Variants in NAT1 observed in about 807,000 individuals in gnomAD.
NAT1 encodes arylamine N-acetyltransferase 1.
For missense variants in NAT1, 400 were observed against 339.2 expected (o/e 1.18, Z -1.41); for synonymous variants, 144 against 122.6 (o/e 1.17, Z -1.16).
chr8:18,177,143 T>C (rs1366651598), intron 2 of NAT1, among the ~76,000 whole-genome samples: 1 of 152,102 alleles, frequency 6.6e-6, no homozygotes, highest in African/African-American at 2.4e-5. Flanking sequence ...TGTAAGATTA[T>C]ATCAACAGAC....
At chr8:18,215,110 C>T (rs1299598892) in intron 1 of NAT1, among the ~76,000 whole-genome samples, 5 of 152,028 alleles carry the variant, frequency 3.3e-5, no homozygotes, top group Admixed American at 2.6e-4. Context: ...TAGGTTGATT[C>T]TGTGTCTTTG....
At chr8:18,198,381 A>G (rs112081152) in intron 2 of NAT1, among the ~76,000 whole-genome samples, 145 of 152,324 alleles carry the variant, frequency 9.5e-4, no homozygotes, top group African/African-American at 3.4e-3. Flanking sequence ...TTGTTCAACT[A>G]CAATAGTCCT....
In NAT1 at chr8:18,217,085, G is replaced by T. The variant is rs149824115; in HGVS notation, c.-85-2326G>T. ...TGGGTGCTGTGAGTCTGGGGAATTA[G>T]TGAGAATTTCCTTTATTTGTTATAT... is the stretch of plus-strand genomic sequence containing the variant. On this transcript the variant is annotated intron_variant, in intron 1 of 2. Coordinates refer to ENST00000307719, the MANE Select transcript of NAT1 (RefSeq NM_000662.8). 8 of 813,490 alleles carry T rather than the reference G, an allele frequency of 9.8e-6. No homozygotes were observed. The South Asian group carries it at 1.4e-4, about 14-fold the overall frequency. The allele number at this position is 813,490 out of a possible 1,614,324, so 50.4% of individuals were successfully genotyped here.
At chr8:18,202,986 G>T (rs757986198) in intron 2 of NAT1, among the ~76,000 whole-genome samples, 1 of 152,046 alleles carries the variant, frequency 6.6e-6, no homozygotes, top group African/African-American at 2.4e-5. Flanking sequence ...TGATTGGTGC[G>T]TTTACAATCC....
At chr8:18,206,701 T>C (rs926620414), upstream of NAT1, among the ~76,000 whole-genome samples, 1 of 152,258 alleles carries the variant, frequency 6.6e-6, no homozygotes, top group African/African-American at 2.4e-5. Flanking sequence ...AAGTTCCTTA[T>C]AGACGCTGGA....
intron 2 of NAT1, among the ~76,000 whole-genome samples, chr8:18,187,838 A>G (rs1802805451): frequency 6.6e-6 from 1 of 151,970 alleles, no homozygotes; most frequent in South Asian, 2.1e-4. Flanking sequence ...ACCTGCGCAT[A>G]TGCCCCGGAA....
intron 2 of NAT1, among the ~76,000 whole-genome samples, chr8:18,181,992 C>G (rs546915509): frequency 6.6e-6 from 1 of 152,242 alleles, no homozygotes; most frequent in East Asian, 1.9e-4. Flanking sequence ...AATTCCAATA[C>G]AAATTCCCAT....
At chr8:18,189,372 A>G (rs1401637268) in intron 2 of NAT1, among the ~76,000 whole-genome samples, 2 of 152,098 alleles carry the variant, frequency 1.3e-5, no homozygotes, top group Non-Finnish European at 2.9e-5. Flanking sequence ...AGGTATCAGC[A>G]CCTCTCATTT....
intron 2 of NAT1, among the ~76,000 whole-genome samples, chr8:18,184,227 G>C (rs1563164937): frequency 6.6e-6 from 1 of 152,196 alleles, no homozygotes; most frequent in African/African-American, 2.4e-5. Context: ...TGCAGAATTA[G>C]AACCACATAG....
In NAT1 at chr8:18,212,686, G is replaced by C. The variant is rs549959996; in HGVS notation, c.-86+2506G>C. The C allele has an allele frequency of 2.6e-5, 4 of 152,502 alleles. No homozygotes were observed. The South Asian group carries it at 8.3e-4, about 32-fold the overall frequency. 9.4% of individuals were successfully genotyped at this position (152,502 alleles called of 1,614,324 possible). On this transcript the variant is annotated intron_variant, in intron 1 of 2. Transcript: ENST00000307719. The stretch of plus-strand genomic sequence containing the variant: ...GGAGCCCTTGGGAGTCCTCCAAAGA[G>C]AGTCTAGGGTACAGGTCCGAAAGTA...
At chr8:18,206,495 C>A (rs773870375), upstream of NAT1, among the ~76,000 whole-genome samples, 1 of 152,178 alleles carries the variant, frequency 6.6e-6, no homozygotes, top group South Asian at 2.1e-4. Context: ...GGCAAAGATG[C>A]GCACTCTTGC....
upstream of NAT1, among the ~76,000 whole-genome samples, chr8:18,209,416 T>C (rs1212531203): frequency 6.6e-6 from 1 of 152,262 alleles, no homozygotes; most frequent in African/African-American, 2.4e-5. Context: ...AATGTATGTA[T>C]GTATAAGAAC....
intron 1 of NAT1, among the ~76,000 whole-genome samples, chr8:18,217,637 A>G (rs1425305871): frequency 6.6e-6 from 1 of 152,248 alleles, no homozygotes; most frequent in Non-Finnish European, 1.5e-5. Context: ...GTCTGGATCT[A>G]CAGGAATACT....
chr8:18,194,203 G>C (rs1336670025), intron 2 of NAT1, among the ~76,000 whole-genome samples: 1 of 152,152 alleles, frequency 6.6e-6, no homozygotes, highest in Admixed American at 6.6e-5. Context: ...CAAGGCTGAG[G>C]CTTATCACAA....
intron 2 of NAT1, among the ~76,000 whole-genome samples, chr8:18,201,939 A>G (rs1207725329): frequency 6.6e-6 from 1 of 152,244 alleles, no homozygotes; most frequent in Non-Finnish European, 1.5e-5. Flanking sequence ...AAACAAGCTA[A>G]GTGGAAAAGA....
intron 2 of NAT1, among the ~76,000 whole-genome samples, chr8:18,221,312 GTTT>G (rs33944764): frequency 3.0e-5 from 4 of 133,940 alleles, no homozygotes; most frequent in Non-Finnish European, 3.3e-5. Context: ...TTTTTGGTGT[GTTT>G]TTTTTTTTTT....
At chr8:18,209,406 A>T (rs1250535528), upstream of NAT1, among the ~76,000 whole-genome samples, 12 of 152,268 alleles carry the variant, frequency 7.9e-5, no homozygotes, top group Admixed American at 7.9e-4. Flanking sequence ...ATCATTACAC[A>T]ATGTATGTAT....
chr8:18,216,459 C>T (rs1804678507), intron 1 of NAT1, among the ~76,000 whole-genome samples: 1 of 152,162 alleles, frequency 6.6e-6, no homozygotes, highest in Non-Finnish European at 1.5e-5. Context: ...CTGCTTGAAC[C>T]AATCTGGCAT....
intron 1 of NAT1, among the ~76,000 whole-genome samples, chr8:18,211,955 G>T (rs952688933): frequency 1.3e-5 from 2 of 152,188 alleles, no homozygotes; most frequent in African/African-American, 2.4e-5. Context: ...AATTGTACTT[G>T]TGCTGATTGT....
Sources: allele counts gnomAD v4.1 joint callset (sites outside exome capture counted in the v4.1 genomes callset), GRCh38; gene constraint gnomAD v4.1.1; transcripts MANE v1.5; gene names NCBI Gene and HGNC (gene_info 2026-07-23, HGNC 2026-07-21).